Variants in YTHDC2 observed in about 807,000 individuals in gnomAD.
YTHDC2 encodes YTH N6-methyladenosine RNA binding protein C2.
A neutral mutation model predicts 174.9 loss-of-function variants in YTHDC2; 45 were observed. That is an observed-to-expected ratio of 0.26 (90% confidence interval 0.20 to 0.33). The LOEUF is 0.33. Ranked by LOEUF, YTHDC2 falls within the 10% of genes least tolerant of loss-of-function variation. The pLI, the probability that YTHDC2 is intolerant of heterozygous loss-of-function variation, is 1.00. For synonymous variants in YTHDC2, 657 were observed against 574.5 expected (o/e 1.14, Z -2.05); for missense variants, 1,650 against 1,723.7 (o/e 0.96, Z 0.76).
intron 24 of YTHDC2, among the ~76,000 whole-genome samples, chr5:113,580,736 G>T (rs780624891): frequency 2.2e-4 from 33 of 152,062 alleles, no homozygotes; most frequent in Non-Finnish European, 4.3e-4. Context: ...TATCACTATT[G>T]TCCATATCCT....
chr5:113,548,094 A>G (rs1427235723), intron 10 of YTHDC2, among the ~76,000 whole-genome samples: 2 of 152,180 alleles, frequency 1.3e-5, no homozygotes, highest in African/African-American at 2.4e-5. Flanking sequence ...ACAACCAAAC[A>G]TTGTCTCAAA....
intron 4 of YTHDC2, 46 bp from the exon 5 acceptor site, chr5:113,532,833 A>G: frequency 1.9e-6 from 3 of 1,539,716 alleles, no homozygotes; most frequent in East Asian, 2.3e-5. Flanking sequence ...GATTTTTTGT[A>G]TTATGTGATC....
chr5:113,558,788 G>A (rs1356993604), intron 17 of YTHDC2, among the ~76,000 whole-genome samples: 2 of 151,880 alleles, frequency 1.3e-5, no homozygotes, highest in African/African-American at 2.4e-5. Context: ...CAGGTGTGGG[G>A]GTGGGCACCT....
At position 113,548,973 on chromosome 5, in the gene YTHDC2, T is replaced by G; in HGVS notation, c.1641T>G (p.Ala547=). 6.2e-7 allele frequency: 1 copy of G among 1,613,188 alleles called. No individual in the cohort carries two copies. The highest frequency in any genetic ancestry group is 1.1e-5 in the South Asian group (1 of 90,990). Residue 547 remains alanine, a synonymous_variant, in exon 12 of 30, where the codon GCT becomes GCG. Transcript: ENST00000161863. ...ASNGWMALDW[A]KHFGQTEIVD... is the part of the protein sequence containing the mutation. The stretch of plus-strand genomic sequence containing the variant: ...TTGGCAGGATGGCATTGGATTGGGC[T>G]AAACACTTTGGGCAGACTGAAATTG...
intron 2 of YTHDC2, among the ~76,000 whole-genome samples, chr5:113,515,959 C>T (rs1385169537): frequency 1.3e-5 from 2 of 152,096 alleles, no homozygotes; most frequent in Non-Finnish European, 2.9e-5. Flanking sequence ...ATAGTCCTTC[C>T]CTTTCTGGTA....
At chr5:113,532,197 G>A (rs1429613863) in intron 4 of YTHDC2, among the ~76,000 whole-genome samples, 1 of 152,008 alleles carries the variant, frequency 6.6e-6, no homozygotes, top group East Asian at 1.9e-4. Flanking sequence ...TGCAAATTAC[G>A]GACATTAAGT....
In YTHDC2 at chr5:113,550,315, A is replaced by T. The variant is rs552324966; in HGVS notation, c.1688+1295A>T. The stretch of plus-strand genomic sequence containing the variant: ...CCTGGCATTGTCAATCATATTAAAA[A>T]GCTTTATGAATCTGTTAGATAATTT... On this transcript the variant is annotated intron_variant, in intron 12 of 29. Transcript: ENST00000161863. Among the ~76,000 whole-genome samples, 91 of 152,246 alleles carry T rather than the reference A, an allele frequency of 6.0e-4. No individual in the cohort carries two copies. In the South Asian group the frequency reaches 0.018, roughly 31 times the overall value.
chr5:113,582,563 C>G (rs1395891308), intron 25 of YTHDC2: 1 of 151,954 alleles, frequency 6.6e-6, no homozygotes, highest in Non-Finnish European at 1.5e-5. Flanking sequence ...AAATTCATAA[C>G]AAAAAACATT....
At chr5:113,592,359 C>T (rs1779056213) in intron 28 of YTHDC2, 181 bp downstream of exon 28, 2 of 503,172 alleles carry the variant, frequency 4.0e-6, no homozygotes, top group Non-Finnish European at 3.3e-6. Context: ...TCTGATTGCT[C>T]CTTGCAGTCA....
chr5:113,570,817 A>C (rs552277509), intron 23 of YTHDC2, among the ~76,000 whole-genome samples: 1 of 151,350 alleles, frequency 6.6e-6, no homozygotes, highest in African/African-American at 2.4e-5. Flanking sequence ...TACTCCACTA[A>C]TTTTTTTTGT....
chr5:113,540,462 G>C (rs1488596289), intron 8 of YTHDC2, among the ~76,000 whole-genome samples: 1 of 152,156 alleles, frequency 6.6e-6, no homozygotes, highest in Non-Finnish European at 1.5e-5. Flanking sequence ...ATAAAGAAAA[G>C]AGGTTTAATT....
rs373487826 is a variant in YTHDC2 at position 113,581,519 on chromosome 5, A to G, written c.3457A>G (p.Ile1153Val). The change falls in exon 25 of 30, where the codon ATA (isoleucine) becomes GTA (valine). Residue 1153 changes from isoleucine to valine, a missense_variant. Physicochemically the swap from Ile to Val is conservative, Grantham distance 29 (BLOSUM62 3). Coordinates refer to ENST00000161863, the MANE Select transcript of YTHDC2 (RefSeq NM_022828.5). The part of the protein sequence containing the change: ...KPWSQVDEAT[I>V]RAIIAVLSTE... Reference sequence around the variant, plus strand: ...TTGGTCTCAAGTTGATGAAGCTACCATAAGAGCAATTATAGCTGTTTTAAG... The same window carrying G: ...TTGGTCTCAAGTTGATGAAGCTACCGTAAGAGCAATTATAGCTGTTTTAAG... The G allele has an allele frequency of 3.8e-5, 62 of 1,613,928 alleles. No homozygotes were observed. The highest frequency in any genetic ancestry group is 1.5e-4 in the Admixed American group (9 of 59,996).
In YTHDC2 at chr5:113,595,042, T is replaced by C. The variant is rs1308007467; in HGVS notation, c.*1568T>C. 6.6e-6 allele frequency: 1 copy of C among 152,200 alleles called. No individual in the cohort carries two copies. The highest frequency in any genetic ancestry group is 1.5e-5 in the Non-Finnish European group (1 of 68,016). 9.4% of individuals were successfully genotyped at this position (152,200 alleles called of 1,614,324 possible). ...ATGGCTCTTTTCCTATTAGAGCAAC[T>C]TGTGTTTCCCTGATAATGTGTACAT... On this transcript the variant is annotated 3_prime_UTR_variant, in exon 30 of 30. Transcript: ENST00000161863.
chr5:113,528,669 C>T (rs777340372), intron 4 of YTHDC2, among the ~76,000 whole-genome samples: 3 of 152,092 alleles, frequency 2.0e-5, no homozygotes, highest in African/African-American at 7.2e-5. Flanking sequence ...CCACTATGCC[C>T]AGCAAATTTT....
Position 113,540,953 on chromosome 5 carries a change from T to C in YTHDC2, c.1211-15T>C. On this transcript the variant is annotated splice_polypyrimidine_tract_variant and intron_variant, in intron 8 of 29. Coordinates refer to ENST00000161863, the MANE Select transcript of YTHDC2 (RefSeq NM_022828.5). ...ATGATTTGTCTACATATTCTTTCTT[T>C]GATAATTAATTTAGAAGAGAAACAA... The C allele has an allele frequency of 6.2e-7, 1 of 1,603,406 alleles. No homozygotes were observed.
chr5:113,538,558 C>T (rs1225226955), intron 7 of YTHDC2, among the ~76,000 whole-genome samples: 2 of 152,066 alleles, frequency 1.3e-5, no homozygotes, highest in Non-Finnish European at 2.9e-5. Flanking sequence ...CATCATTATA[C>T]ACTTTTTATT....
chr5:113,569,017 C>T (rs756553778), intron 23 of YTHDC2, among the ~76,000 whole-genome samples: 1 of 152,116 alleles, frequency 6.6e-6, no homozygotes, highest in Non-Finnish European at 1.5e-5. Flanking sequence ...TCTCTACAAC[C>T]TCACCAGCAT....
chr5:113,589,566 C>A (rs1369904978), intron 26 of YTHDC2, among the ~76,000 whole-genome samples: 1 of 151,284 alleles, frequency 6.6e-6, no homozygotes, highest in African/African-American at 2.4e-5. Flanking sequence ...ATCATCTCTA[C>A]AAAAGAATAA....
chr5:113,563,769 A>G (rs1413366251), intron 19 of YTHDC2, 90 bp from the exon 20 acceptor site: 2 of 1,420,446 alleles, frequency 1.4e-6, no homozygotes, highest in Non-Finnish European at 1.9e-6. Flanking sequence ...GAAAATCTAT[A>G]TTCTTATTTC....
Sources: allele counts gnomAD v4.1 joint callset (sites outside exome capture counted in the v4.1 genomes callset), GRCh38; gene constraint gnomAD v4.1.1; transcripts MANE v1.5; gene names NCBI Gene and HGNC (gene_info 2026-07-23, HGNC 2026-07-21).